Variants in GRID2 observed in about 807,000 individuals in gnomAD.
GRID2 encodes the protein glutamate ionotropic receptor delta type subunit 2.
In GRID2, 33 loss-of-function variants were observed where a neutral mutation model predicts 114.8. The ratio of observed to expected loss-of-function variants is 0.29; its 90% CI spans 0.22 to 0.38. The LOEUF (loss-of-function observed/expected upper bound fraction) is 0.38, where lower values mean the gene tolerates loss of function less well. GRID2 is among the 10% of genes least tolerant of loss of function. GRID2 has a pLI of 1.00. For synonymous variants in GRID2, 505 were observed against 449.9 expected (o/e 1.12, Z -1.55); for missense variants, 1,184 against 1,257.7 (o/e 0.94, Z 0.89).
intron 2 of GRID2, among the ~76,000 whole-genome samples, chr4:93,032,459 G>A (rs912931220): frequency 6.6e-6 from 1 of 151,998 alleles, no homozygotes; most frequent in African/African-American, 2.4e-5. Context: ...TTGAATTTTT[G>A]CAGAGCAACC....
At position 93,192,552 on chromosome 4, in the gene GRID2, G is replaced by T. The variant is rs138030280; in HGVS notation, c.736-14852G>T. 3.1e-3 allele frequency among the ~76,000 whole-genome samples: 473 copies of T among 152,028 alleles called. 1 individual carries two copies. The highest frequency in any genetic ancestry group is 0.011 in the African/African-American group (443 of 41,472). ...AGGTCAGGAGTTCAAGACCAGCCTG[G>T]CCAACACGTGGAAAGGCAAAACCCA... On this transcript the variant is annotated intron_variant, in intron 4 of 15. Transcript: ENST00000282020.
At chr4:92,997,493 A>G (rs1365543199) in intron 2 of GRID2, among the ~76,000 whole-genome samples, 1 of 152,112 alleles carries the variant, frequency 6.6e-6, no homozygotes, top group African/African-American at 2.4e-5. Context: ...GACACACATT[A>G]TTTTGTTTTG....
intron 8 of GRID2, among the ~76,000 whole-genome samples, chr4:93,259,588 G>A (rs917694211): frequency 6.6e-6 from 1 of 151,582 alleles, no homozygotes; most frequent in Non-Finnish European, 1.5e-5. Flanking sequence ...AAATAAAATA[G>A]CATTGATCAT....
At chr4:92,817,812 G>A (rs1452162249) in intron 2 of GRID2, among the ~76,000 whole-genome samples, 1 of 151,768 alleles carries the variant, frequency 6.6e-6, no homozygotes, top group Non-Finnish European at 1.5e-5. Context: ...GATTATAGGT[G>A]TGAGCCCTTG....
At chr4:92,442,469 G>C (rs1300625551) in intron 1 of GRID2, among the ~76,000 whole-genome samples, 1 of 152,086 alleles carries the variant, frequency 6.6e-6, no homozygotes, top group Non-Finnish European at 1.5e-5. Context: ...CCTGGCCGCT[G>C]CGGTTCAGGC....
At chr4:92,577,049 C>G (rs1027811387) in intron 1 of GRID2, among the ~76,000 whole-genome samples, 2 of 151,978 alleles carry the variant, frequency 1.3e-5, no homozygotes, top group Non-Finnish European at 1.5e-5. Context: ...ATAAATTCTC[C>G]ATTTTGATTT....
At chr4:93,425,630 A>G (rs1580048718) in intron 10 of GRID2, among the ~76,000 whole-genome samples, 1 of 152,144 alleles carries the variant, frequency 6.6e-6, no homozygotes, top group African/African-American at 2.4e-5. Flanking sequence ...GGGGTCAGCT[A>G]AGGATTTTAG....
intron 1 of GRID2, among the ~76,000 whole-genome samples, chr4:92,433,601 T>A (rs887183058): frequency 1.3e-5 from 2 of 151,908 alleles, no homozygotes; most frequent in Non-Finnish European, 2.9e-5. Context: ...TGCTGGGGAG[T>A]TGGGGAGGGG....
At chr4:93,448,524 G>T (rs1308511128) in intron 10 of GRID2, among the ~76,000 whole-genome samples, 2 of 151,798 alleles carry the variant, frequency 1.3e-5, no homozygotes, top group African/African-American at 4.8e-5. Context: ...ATCATATATT[G>T]ATTGGCCTCA....
chr4:92,549,976 C>G (rs1236790804), intron 1 of GRID2, among the ~76,000 whole-genome samples: 1 of 151,988 alleles, frequency 6.6e-6, no homozygotes, highest in Non-Finnish European at 1.5e-5. Context: ...TTAAAAAGAA[C>G]TCATTAAATA....
chr4:92,348,174 C>T (rs905807062), intron 1 of GRID2, among the ~76,000 whole-genome samples: 2 of 152,098 alleles, frequency 1.3e-5, no homozygotes, highest in Admixed American at 1.3e-4. Context: ...CTATGTTGCT[C>T]ATGTTGGTCT....
intron 2 of GRID2, among the ~76,000 whole-genome samples, chr4:93,074,650 G>A (rs1012418945): frequency 3.3e-5 from 5 of 152,098 alleles, no homozygotes; most frequent in Non-Finnish European, 5.9e-5. Context: ...GATCAGAGCC[G>A]AAATCAATGA....
chr4:92,432,157 G>T (rs901618248), intron 1 of GRID2, among the ~76,000 whole-genome samples: 54 of 152,066 alleles, frequency 3.6e-4, no homozygotes, highest in Non-Finnish European at 2.6e-4. Flanking sequence ...AAGCATCTTT[G>T]TGGCCACCAC....
intron 2 of GRID2, among the ~76,000 whole-genome samples, chr4:92,957,118 G>C (rs1752462799): frequency 1.4e-4 from 22 of 151,898 alleles, no homozygotes; most frequent in Admixed American, 1.4e-3. Flanking sequence ...TCATTCTCTT[G>C]ACAGTATCTT....
At chr4:93,478,251 AAAGTT>A (rs1416510235) in intron 11 of GRID2, among the ~76,000 whole-genome samples, 2 of 152,262 alleles carry the variant, frequency 1.3e-5, no homozygotes, top group Non-Finnish European at 2.9e-5. Context: ...TTGGCACTTA[AAAGTT>A]AAGTTAAAAT....
chr4:92,422,433 G>A (rs563781472), intron 1 of GRID2, among the ~76,000 whole-genome samples: 2 of 152,176 alleles, frequency 1.3e-5, no homozygotes, highest in South Asian at 4.1e-4. Flanking sequence ...TTTTGTGGGA[G>A]ACCAGAGTTT....
chr4:93,589,213 C>A (rs2149608281), intron 13 of GRID2, among the ~76,000 whole-genome samples: 1 of 128,740 alleles, frequency 7.8e-6, no homozygotes, highest in East Asian at 2.9e-4. Flanking sequence ...CCCCCCACCC[C>A]ACAACAGTCC....
intron 1 of GRID2, among the ~76,000 whole-genome samples, chr4:92,462,227 G>C (rs1721533741): frequency 6.6e-6 from 1 of 152,072 alleles, no homozygotes; most frequent in South Asian, 2.1e-4. Flanking sequence ...ATAGAAGTGT[G>C]CTTATGGCTG....
chr4:92,928,412 T>C (rs1749990418), intron 2 of GRID2, among the ~76,000 whole-genome samples: 1 of 151,600 alleles, frequency 6.6e-6, no homozygotes, highest in Non-Finnish European at 1.5e-5. Flanking sequence ...CTCATAGAAA[T>C]ACAAAATACA....
Sources: gnomAD v4.1 joint callset for allele counts (sites outside exome capture counted in the v4.1 genomes callset) on GRCh38, gnomAD v4.1.1 for gene constraint, MANE v1.5 for transcripts, NCBI Gene and HGNC (gene_info 2026-07-23, HGNC 2026-07-21) for gene names.